GOT1: variants seen among roughly 807,000 people sequenced by gnomAD.
GOT1 encodes aspartate aminotransferase, cytoplasmic.
GOT1 carries 25 observed loss-of-function variants against 48.2 expected under a neutral mutation model. That is an observed-to-expected ratio of 0.52 (90% CI 0.38 to 0.72). The LOEUF is 0.72. Ranked by LOEUF, GOT1 falls within the 30% of genes least tolerant of loss-of-function variation. The probability of loss-of-function intolerance (pLI) is 0.00; values close to 1 mark genes in which losing one functional copy is unlikely to be tolerated. For missense variants in GOT1, 380 were observed against 520.1 expected (o/e 0.73, Z 2.62); for synonymous variants, 188 against 193.8 (o/e 0.97, Z 0.25).
At chr10:99,407,783 TTTTATTTA>T (rs10629267) in intron 2 of GOT1, among the ~76,000 whole-genome samples, 14 of 148,688 alleles carry the variant, frequency 9.4e-5, no homozygotes, top group South Asian at 4.3e-4. Flanking sequence ...AAAAGCCATA[TTTTATTTA>T]TTTATTTATT....
intron 1 of GOT1, among the ~76,000 whole-genome samples, chr10:99,429,277 T>C (rs1290183643): frequency 6.6e-6 from 1 of 151,940 alleles, no homozygotes; most frequent in Non-Finnish European, 1.5e-5. Context: ...TCTCATCTCC[T>C]GACCTCGTGA....
chr10:99,403,666 G>T (rs762744750), intron 6 of GOT1, 32 bp from the exon 7 acceptor site: 1 of 1,613,894 alleles, frequency 6.2e-7, no homozygotes, highest in Non-Finnish European at 8.5e-7. Context: ...AGCTGTGGCT[G>T]CTGAAGCAGG....
chr10:99,423,885 G>A (rs1017775929), intron 1 of GOT1, among the ~76,000 whole-genome samples: 1 of 151,802 alleles, frequency 6.6e-6, no homozygotes, highest in African/African-American at 2.4e-5. Context: ...CAAACTCCTG[G>A]GCTCAAGCAA....
intron 2 of GOT1, among the ~76,000 whole-genome samples, chr10:99,418,988 A>G (rs566375841): frequency 6.6e-6 from 1 of 152,376 alleles, no homozygotes; most frequent in Non-Finnish European, 1.5e-5. Flanking sequence ...AATGAAGTTC[A>G]TTACTTGCCT....
chr10:99,417,337 C>T (rs558962347), intron 2 of GOT1, among the ~76,000 whole-genome samples: 10 of 152,314 alleles, frequency 6.6e-5, no homozygotes, highest in African/African-American at 1.9e-4. Flanking sequence ...AAATGCTCAT[C>T]ATCACTGGCC....
intron 1 of GOT1, among the ~76,000 whole-genome samples, chr10:99,426,188 T>C (rs1031481050): frequency 1.3e-5 from 2 of 152,116 alleles, no homozygotes; most frequent in South Asian, 4.1e-4. Flanking sequence ...CCTGGGACCA[T>C]GTCAGGGGCC....
rs924520452 is a variant in GOT1, at chr10:99,397,845, A to G, written c.1103-159T>C. On this transcript the variant is annotated intron_variant, in intron 8 of 8. Coordinates refer to ENST00000370508, the MANE Select transcript of GOT1 (RefSeq NM_002079.3). This position sits in a 1 kb window ranked among gnomAD's most constrained non-coding sequence, Gnocchi z 5.4. ...TTGTCCAACTGACAAACAGAAAAATATGCTCACTAGATTCTGGAAAGTACT... is the reference window on the plus strand; with the variant it reads ...TTGTCCAACTGACAAACAGAAAAATGTGCTCACTAGATTCTGGAAAGTACT... Among the ~76,000 whole-genome samples the G allele has an allele frequency of 2.0e-5, 3 of 152,222 alleles. No individual in the cohort carries two copies. The highest frequency in any genetic ancestry group is 4.4e-5 in the Non-Finnish European group (3 of 68,044).
In GOT1 at chr10:99,403,556, ATCT is replaced by A. The variant is rs2032714932; in HGVS notation, c.869_871del (p.Lys290del). 1 of 1,613,932 alleles carries A rather than the reference ATCT, an allele frequency of 6.2e-7. No homozygotes were observed. ...GGGATTGGACCAAGTAATCCGCACG[ATCT>A]TCTCCATCTGGGAAAGGACTTGCAG... On this transcript the variant is annotated inframe_deletion, in exon 7 of 9. Transcript: ENST00000370508.
Position 99,430,596 on chromosome 10 carries a change from C to T in GOT1, c.-31G>A. 1 of 1,538,018 alleles carries T rather than the reference C, an allele frequency of 6.5e-7. No individual in the cohort carries two copies. The highest frequency in any genetic ancestry group is 8.8e-7 in the Non-Finnish European group (1 of 1,131,104). ...GAGACTAGGAATCAAGAGATTTCAC[C>T]CCACGCCCGGAGCTGGCAGGTCAGG... On this transcript the variant is annotated 5_prime_UTR_variant, in exon 1 of 9. Coordinates refer to ENST00000370508, the MANE Select transcript of GOT1 (RefSeq NM_002079.3).
intron 8 of GOT1, among the ~76,000 whole-genome samples, chr10:99,401,568 G>A (rs1170109264): frequency 6.6e-6 from 1 of 151,924 alleles, no homozygotes; most frequent in African/African-American, 2.4e-5. Context: ...TCGGGAGGCT[G>A]AGGCAGGAGA....
At chr10:99,414,931 C>T (rs1234172687) in intron 2 of GOT1, among the ~76,000 whole-genome samples, 6 of 151,618 alleles carry the variant, frequency 4.0e-5, no homozygotes, top group South Asian at 2.1e-4. Flanking sequence ...CTCTGGGACA[C>T]ATTTAAAACA....
intron 1 of GOT1, 137 bp downstream of exon 1, chr10:99,430,311 G>A: frequency 6.3e-7 from 1 of 1,595,430 alleles, no homozygotes; most frequent in Non-Finnish European, 8.5e-7. Flanking sequence ...AGCCTTCGTG[G>A]ATCCAGCCTC....
At chr10:99,430,134 C>G in intron 1 of GOT1, 1 of 564,558 alleles carries the variant, frequency 1.8e-6, no homozygotes, top group Non-Finnish European at 3.2e-6. Context: ...TCTACAAGCT[C>G]CGGCAGCCTC....
intron 2 of GOT1, 108 bp downstream of exon 2, chr10:99,420,516 A>C (rs1399299053): frequency 2.5e-6 from 2 of 802,952 alleles, no homozygotes; most frequent in East Asian, 5.3e-5. Context: ...ACACTTATTC[A>C]TTGGCAGTTC....
intron 1 of GOT1, among the ~76,000 whole-genome samples, chr10:99,421,254 AG>A (rs1192493942): frequency 1.3e-5 from 2 of 152,194 alleles, no homozygotes; most frequent in Admixed American, 1.3e-4. Context: ...GAAAAAGCCT[AG>A]GTGCTACTTC....
At chr10:99,428,846 CAT>C (rs1463553961) in intron 1 of GOT1, among the ~76,000 whole-genome samples, 1 of 152,222 alleles carries the variant, frequency 6.6e-6, no homozygotes, top group African/African-American at 2.4e-5. Flanking sequence ...CTAAAAACAT[CAT>C]TTTCCCTCAA....
intron 1 of GOT1, among the ~76,000 whole-genome samples, chr10:99,422,678 T>A (rs1441428876): frequency 6.6e-6 from 1 of 152,172 alleles, no homozygotes; most frequent in Non-Finnish European, 1.5e-5. Flanking sequence ...TTCTTACATA[T>A]CCTTCCTGCA....
At position 99,409,677 on chromosome 10, in the gene GOT1, A is replaced by C. The variant is rs77609090; in HGVS notation, c.301-2828T>G. 6.6e-3 allele frequency among the ~76,000 whole-genome samples: 1,001 copies of C among 152,360 alleles called. 10 individuals carry two copies. The highest frequency in any genetic ancestry group is 9.1e-3 in the Non-Finnish European group (621 of 68,032). On this transcript the variant is annotated intron_variant, in intron 2 of 8. Transcript: ENST00000370508. ...GATTATAAGAGATATAAAACCAATC[A>C]TGCTGCTAGATAGAGAAAACCCAAA...
At chr10:99,424,982 C>A (rs116976663) in intron 1 of GOT1, among the ~76,000 whole-genome samples, 2 of 152,138 alleles carry the variant, frequency 1.3e-5, no homozygotes, top group African/African-American at 4.8e-5. Context: ...TTCATTCACT[C>A]GCTCACATAA....
Sources: allele counts gnomAD v4.1 joint callset (sites outside exome capture counted in the v4.1 genomes callset), GRCh38; gene constraint gnomAD v4.1.1; non-coding constraint Gnocchi (gnomAD v3.1); transcripts MANE v1.5; gene names NCBI Gene and HGNC (gene_info 2026-07-23, HGNC 2026-07-21).